RPTOR: variants seen among roughly 807,000 people sequenced by gnomAD.
RPTOR encodes regulatory associated protein of MTOR complex 1, also known as regulatory-associated protein of mTOR.
A neutral mutation model predicts 169.9 loss-of-function variants in RPTOR; 21 were observed. The ratio of observed to expected loss-of-function variants is 0.12; its 90% CI spans 0.09 to 0.18. The LOEUF (loss-of-function observed/expected upper bound fraction) is 0.18. Among genes scored for constraint, RPTOR ranks in the 10% least tolerant of loss-of-function variants. The pLI is 1.00. For synonymous variants in RPTOR, 732 were observed against 753.2 expected (o/e 0.97, Z 0.46); for missense variants, 1,133 against 1,855.9 (o/e 0.61, Z 7.16).
chr17:80,719,683 T>C (rs1479799291), intron 4 of RPTOR, among the ~76,000 whole-genome samples: 1 of 152,096 alleles, frequency 6.6e-6, no homozygotes, highest in Non-Finnish European at 1.5e-5. Context: ...TGAATACATA[T>C]CATCCAGAAG....
At chr17:80,923,943 C>T (rs993374311) in intron 23 of RPTOR, 25 of 458,684 alleles carry the variant, frequency 5.5e-5, no homozygotes, top group African/African-American at 5.1e-4. Flanking sequence ...TGGGTGTGTC[C>T]CGGTTCTCCG....
At chr17:80,685,175 C>T (rs184836741) in intron 3 of RPTOR, among the ~76,000 whole-genome samples, 106 of 151,974 alleles carry the variant, frequency 7.0e-4, no homozygotes, top group African/African-American at 2.0e-3. Flanking sequence ...GCACCTCATT[C>T]GGAGTCACCC....
Position 80,937,401 on chromosome 17 carries a change from C to CT in RPTOR, c.2920-3092dup, listed in dbSNP as rs574606618. On this transcript the variant is annotated intron_variant, in intron 24 of 33. Coordinates refer to ENST00000306801, the MANE Select transcript of RPTOR (RefSeq NM_020761.3). ...ATCCCAAAACTGCCCCAAACTGCTG[C>CT]TTTCCCGTAAGTCTTCTGGGGAACC... Among the ~76,000 whole-genome samples, 727 of 152,344 alleles carry CT rather than the reference C, an allele frequency of 4.8e-3. 13 individuals are homozygous for CT. The highest frequency in any genetic ancestry group is 0.016 in the African/African-American group (650 of 41,582).
chr17:80,628,852 C>T (rs780656948), intron 2 of RPTOR, among the ~76,000 whole-genome samples: 9 of 152,160 alleles, frequency 5.9e-5, no homozygotes, highest in Admixed American at 2.0e-4. Flanking sequence ...TGAAAAGTTC[C>T]CATTATCTTT....
chr17:80,865,668 T>C (rs2067980987), intron 13 of RPTOR, among the ~76,000 whole-genome samples: 1 of 152,116 alleles, frequency 6.6e-6, no homozygotes, highest in African/African-American at 2.4e-5. Context: ...ACAAAACTGA[T>C]GGAACTGCGA....
intron 4 of RPTOR, among the ~76,000 whole-genome samples, chr17:80,720,857 T>G (rs1462118131): frequency 6.9e-6 from 1 of 145,946 alleles, no homozygotes; most frequent in Non-Finnish European, 1.5e-5. Flanking sequence ...CGGCCGCTTC[T>G]GCTGCTGTCT....
intron 13 of RPTOR, among the ~76,000 whole-genome samples, chr17:80,863,487 C>T (rs919957283): frequency 6.6e-6 from 1 of 152,176 alleles, no homozygotes; most frequent in African/African-American, 2.4e-5. Context: ...GTCTACTCTA[C>T]ATATTCAAAA....
At position 80,845,226 on chromosome 17, in the gene RPTOR, G is replaced by C. The variant is rs1015028535; in HGVS notation, c.1213-1247G>C. The stretch of plus-strand genomic sequence containing the variant: ...CCCTCCACTCTGTGCCTGCACTCAC[G>C]TGGCTGGGCTAACTGGGAGCTCGGG... On this transcript the variant is annotated intron_variant, in intron 10 of 33. Transcript: ENST00000306801. This position sits in a 1 kb window ranked among gnomAD's most constrained non-coding sequence, Gnocchi z 5.4. 1.3e-5 allele frequency among the ~76,000 whole-genome samples: 2 copies of C among 152,130 alleles called. No homozygotes were observed. Among genetic ancestry groups the C allele is most frequent in the African/African-American group, 4.8e-5 (2 of 41,426 alleles).
rs759654534 is a variant in RPTOR, at chr17:80,962,939, A to G, written c.3821A>G (p.Asn1274Ser). ...TTCTCTCCCCACAGTGGCTCCGTCA[A>G]TCAGTTCACCGCCATCTACAACAGC... is the stretch of plus-strand genomic sequence containing the variant. ...QADLIACGSV[N>S]QFTAIYNSSG... The change falls in exon 33 of 34, where the codon AAT becomes AGT. Residue 1274 changes from asparagine to serine, a missense_variant. Transcript: ENST00000306801. 3.7e-6 allele frequency: 6 copies of G among 1,613,652 alleles called. No homozygotes were observed. The highest frequency in any genetic ancestry group is 3.3e-5 in the South Asian group (3 of 91,088).
At chr17:80,605,026 C>T (rs2143465063) in intron 1 of RPTOR, among the ~76,000 whole-genome samples, 1 of 151,772 alleles carries the variant, frequency 6.6e-6, no homozygotes, top group East Asian at 1.9e-4. Context: ...TCCCAAAGTG[C>T]TGGGATTATA....
chr17:80,630,149 A>C (rs2065431193), intron 2 of RPTOR, among the ~76,000 whole-genome samples: 1 of 152,192 alleles, frequency 6.6e-6, no homozygotes, highest in African/African-American at 2.4e-5. Flanking sequence ...AGTTCAGAAA[A>C]CAGGGTCAGC....
intron 1 of RPTOR, among the ~76,000 whole-genome samples, chr17:80,569,118 T>C (rs1282092267): frequency 6.6e-6 from 1 of 152,224 alleles, no homozygotes; most frequent in Non-Finnish European, 1.5e-5. Flanking sequence ...AAATCTTATC[T>C]GTTATTTCCT....
intron 5 of RPTOR, among the ~76,000 whole-genome samples, chr17:80,751,329 G>T (rs1425367989): frequency 6.6e-6 from 1 of 152,174 alleles, no homozygotes; most frequent in Non-Finnish European, 1.5e-5. Context: ...GGCAGTGCCC[G>T]GCACTCTGGA....
rs146236643 is a variant in RPTOR, at chr17:80,782,511, G to A, written c.831-8939G>A. On this transcript the variant is annotated intron_variant, in intron 6 of 33. Transcript: ENST00000306801. ...GCAGTCGCATGTGAAAATAAACGGT[G>A]TATTTAGCGGGAAACTAATGCCTCT... 4.9e-4 allele frequency among the ~76,000 whole-genome samples: 75 copies of A among 152,254 alleles called. No individual in the cohort carries two copies. In the East Asian group the frequency reaches 0.012, roughly 25 times the overall value.
chr17:80,618,962 A>G lies in RPTOR; in HGVS notation c.163-6729A>G, dbSNP rs533136787. Among the ~76,000 whole-genome samples, 7 of 152,196 alleles carry G rather than the reference A, an allele frequency of 4.6e-5. No homozygotes were observed. In the East Asian group the frequency reaches 7.7e-4, roughly 17 times the overall value. On this transcript the variant is annotated intron_variant, in intron 1 of 33. Transcript: ENST00000306801. ...AAACTGGCTTTTCCTTCTCTTGGACAACTTGGTTACCCGCCTCCCCTTCCC... is the reference window on the plus strand; with the variant it reads ...AAACTGGCTTTTCCTTCTCTTGGACGACTTGGTTACCCGCCTCCCCTTCCC...
At chr17:80,670,847 G>A (rs1458644265) in intron 3 of RPTOR, among the ~76,000 whole-genome samples, 1 of 151,534 alleles carries the variant, frequency 6.6e-6, no homozygotes, top group Admixed American at 6.6e-5. Flanking sequence ...AACCCTCCCC[G>A]GTAGCCACAA....
intron 14 of RPTOR, 121 bp downstream of exon 14, chr17:80,880,610 AG>A (rs2068176230): frequency 1.0e-5 from 9 of 858,790 alleles, no homozygotes; most frequent in South Asian, 1.0e-4. Context: ...GGGTCACAGC[AG>A]GGGCCACGTC....
intron 16 of RPTOR, among the ~76,000 whole-genome samples, chr17:80,884,275 G>A (rs2068217664): frequency 6.6e-6 from 1 of 151,474 alleles, no homozygotes; most frequent in South Asian, 2.1e-4. Context: ...TCCTCACTGT[G>A]GCCTGCAAGG....
At chr17:80,593,232 A>G (rs2065120561) in intron 1 of RPTOR, 1 of 154,420 alleles carries the variant, frequency 6.5e-6, no homozygotes, top group Non-Finnish European at 1.5e-5. Context: ...TTTCAACTGT[A>G]AATTAAATTA....
Sources: allele counts gnomAD v4.1 joint callset (sites outside exome capture counted in the v4.1 genomes callset), GRCh38; gene constraint gnomAD v4.1.1; non-coding constraint Gnocchi (gnomAD v3.1); transcripts MANE v1.5; gene names NCBI Gene and HGNC (gene_info 2026-07-23, HGNC 2026-07-21).